Variants in HS6ST3 observed in about 807,000 individuals in gnomAD.
HS6ST3 encodes heparan-sulfate 6-O-sulfotransferase 3.
HS6ST3 carries 12 observed loss-of-function variants against 36.7 expected under a neutral mutation model. That is an observed-to-expected ratio of 0.33 (90% CI 0.21 to 0.53). The LOEUF (loss-of-function observed/expected upper bound fraction) is 0.53, where lower values mean the gene tolerates loss of function less well. HS6ST3 is among the 20% of genes least tolerant of loss of function. The pLI, the probability that HS6ST3 is intolerant of heterozygous loss-of-function variation, is 0.95. For synonymous variants in HS6ST3, 240 were observed against 257.5 expected, an observed-to-expected ratio of 0.93 and a Z score of 0.65; for missense variants, 584 against 640.9, an observed-to-expected ratio of 0.91 and a Z score of 0.96.
At chr13:96,305,390 A>T (rs2054907029) in intron 1 of HS6ST3, among the ~76,000 whole-genome samples, 1 of 152,200 alleles carries the variant, frequency 6.6e-6, no homozygotes. Context: ...TGAAATACAA[A>T]GAACATGTAA....
In HS6ST3 at chr13:96,614,317, A is replaced by T. The variant is rs1048163339; in HGVS notation, c.708-218173A>T. Among the ~76,000 whole-genome samples, 184 of 149,908 alleles carry T rather than the reference A, an allele frequency of 1.2e-3. 1 individual carries two copies. The highest frequency in any genetic ancestry group is 2.3e-3 in the African/African-American group (94 of 40,694). On this transcript the variant is annotated intron_variant, in intron 1 of 1. Coordinates refer to ENST00000376705, the MANE Select transcript of HS6ST3 (RefSeq NM_153456.4). ...CATCTCAAAAAAAAAAAAAAAAAAA[A>T]AAAAAAAAAAACAGTTATTACCAGA...
intron 1 of HS6ST3, among the ~76,000 whole-genome samples, chr13:96,499,068 T>C (rs1536656): frequency 0.79 from 118,483 of 150,358 alleles, 48,567 homozygotes; most frequent in Non-Finnish European, 0.9. Context: ...CTCTGTTGCC[T>C]AGGCTGGAGT....
intron 1 of HS6ST3, among the ~76,000 whole-genome samples, chr13:96,251,264 T>C (rs971446356): frequency 1.3e-5 from 2 of 152,178 alleles, no homozygotes; most frequent in African/African-American, 4.8e-5. Flanking sequence ...TTAATCTCTT[T>C]ACTTCTTATT....
At chr13:96,286,445 G>A (rs928471467) in intron 1 of HS6ST3, among the ~76,000 whole-genome samples, 2 of 152,076 alleles carry the variant, frequency 1.3e-5, no homozygotes, top group Admixed American at 6.6e-5. Context: ...CTGTAAAAAT[G>A]TTCATAATAC....
intron 1 of HS6ST3, among the ~76,000 whole-genome samples, chr13:96,275,374 G>A (rs1270343259): frequency 6.6e-6 from 1 of 152,066 alleles, no homozygotes; most frequent in Admixed American, 6.6e-5. Context: ...TTTGAGCTTT[G>A]GGTGTTATCA....
intron 1 of HS6ST3, among the ~76,000 whole-genome samples, chr13:96,222,100 T>C (rs140417095): frequency 2.5e-4 from 38 of 152,322 alleles, no homozygotes; most frequent in South Asian, 1.7e-3. Context: ...ATCAAAGATA[T>C]TTTTCCTTGG....
chr13:96,454,307 G>A (rs1350417198), intron 1 of HS6ST3, among the ~76,000 whole-genome samples: 1 of 152,134 alleles, frequency 6.6e-6, no homozygotes, highest in Non-Finnish European at 1.5e-5. Flanking sequence ...AGTAGGATTT[G>A]AGACCTTTGC....
chr13:96,488,113 T>G (rs1487538037), intron 1 of HS6ST3, among the ~76,000 whole-genome samples: 1 of 152,148 alleles, frequency 6.6e-6, no homozygotes, highest in Non-Finnish European at 1.5e-5. Flanking sequence ...TGCCTTAGAT[T>G]TACCCAAAAT....
At chr13:96,382,268 G>T (rs536220317) in intron 1 of HS6ST3, among the ~76,000 whole-genome samples, 2 of 152,050 alleles carry the variant, frequency 1.3e-5, no homozygotes, top group Non-Finnish European at 2.9e-5. Context: ...TTCGTTTCAG[G>T]TCTTATACCA....
At chr13:96,759,008 C>T (rs1876900589) in intron 1 of HS6ST3, among the ~76,000 whole-genome samples, 1 of 151,732 alleles carries the variant, frequency 6.6e-6, no homozygotes, top group Non-Finnish European at 1.5e-5. Context: ...TATCAGATTT[C>T]ACACATTTTT....
intron 1 of HS6ST3, among the ~76,000 whole-genome samples, chr13:96,557,629 C>G (rs1218124949): frequency 6.6e-6 from 1 of 152,194 alleles, no homozygotes; most frequent in African/African-American, 2.4e-5. Flanking sequence ...ACACTGAGGT[C>G]TCATCATCCC....
intron 1 of HS6ST3, among the ~76,000 whole-genome samples, chr13:96,409,576 T>C (rs1030637255): frequency 8.5e-5 from 13 of 152,304 alleles, no homozygotes; most frequent in African/African-American, 3.1e-4. Flanking sequence ...TTTCAAAATG[T>C]GTTTGTCATT....
intron 1 of HS6ST3, among the ~76,000 whole-genome samples, chr13:96,548,966 A>G (rs2056208435): frequency 6.6e-6 from 1 of 152,216 alleles, no homozygotes; most frequent in Admixed American, 6.5e-5. Flanking sequence ...TCAAATTGAC[A>G]CATACAATCA....
chr13:96,146,512 G>GAAT (rs1023586876), intron 1 of HS6ST3, among the ~76,000 whole-genome samples: 46 of 152,048 alleles, frequency 3.0e-4, no homozygotes, highest in African/African-American at 1.1e-3. Flanking sequence ...TTTTAAAAAA[G>GAAT]AATATTTGAA....
intron 1 of HS6ST3, among the ~76,000 whole-genome samples, chr13:96,471,648 C>G (rs1426245081): frequency 6.6e-6 from 1 of 152,168 alleles, no homozygotes; most frequent in African/African-American, 2.4e-5. Flanking sequence ...AGGATAGCTT[C>G]CATACTCCTC....
chr13:96,808,510 G>A (rs545492348), intron 1 of HS6ST3, among the ~76,000 whole-genome samples: 1 of 152,350 alleles, frequency 6.6e-6, no homozygotes, highest in South Asian at 2.1e-4. Flanking sequence ...TAGCATGGAA[G>A]ATGAGGCTAG....
At chr13:96,355,544 A>G (rs2055206236) in intron 1 of HS6ST3, among the ~76,000 whole-genome samples, 1 of 152,216 alleles carries the variant, frequency 6.6e-6, no homozygotes, top group African/African-American at 2.4e-5. Context: ...TGTTTACAGT[A>G]TACTATGGTC....
intron 1 of HS6ST3, among the ~76,000 whole-genome samples, chr13:96,317,352 ATATATATATATATAT>A (rs2054977905): frequency 1.4e-5 from 1 of 71,040 alleles, no homozygotes; most frequent in East Asian, 4.2e-4. Flanking sequence ...ATATATATAT[ATATATATATATATAT>A]AAAATTATAT....
chr13:96,525,785 A>G (rs1439045028), intron 1 of HS6ST3, among the ~76,000 whole-genome samples: 1 of 152,214 alleles, frequency 6.6e-6, no homozygotes, highest in Non-Finnish European at 1.5e-5. Flanking sequence ...ATATTAATTC[A>G]CTTGTTCTAC....
Sources: allele counts gnomAD v4.1 joint callset (sites outside exome capture counted in the v4.1 genomes callset), GRCh38; gene constraint gnomAD v4.1.1; transcripts MANE v1.5; gene names NCBI Gene and HGNC (gene_info 2026-07-23, HGNC 2026-07-21).